The following THSD7B variants were observed in gnomAD, a reference collection of about 807,000 sequenced individuals.
The protein encoded by THSD7B is thrombospondin type 1 domain containing 7B, also known as thrombospondin type-1 domain-containing protein 7B.
A neutral mutation model predicts 213.6 loss-of-function variants in THSD7B; 138 were observed. The observed-to-expected ratio is 0.65, with a 90% CI of 0.56 to 0.74. The LOEUF (loss-of-function observed/expected upper bound fraction) is 0.74. THSD7B is among the 30% of genes least tolerant of loss of function. THSD7B has a pLI of 0.00. For synonymous variants in THSD7B, 742 were observed against 687.0 expected, an observed-to-expected ratio of 1.08 and a Z score of -1.25; for missense variants, 1,931 against 1,991.5, an observed-to-expected ratio of 0.97 and a Z score of 0.58.
intron 1 of THSD7B, among the ~76,000 whole-genome samples, chr2:136,773,747 C>A (rs1681551602): frequency 6.6e-6 from 1 of 152,070 alleles, no homozygotes; most frequent in Non-Finnish European, 1.5e-5. Flanking sequence ...TGCCTATTGA[C>A]AGAAGAGGGT....
chr2:137,303,594 C>A (rs1250594171), intron 12 of THSD7B, among the ~76,000 whole-genome samples: 1 of 147,910 alleles, frequency 6.8e-6, no homozygotes, highest in East Asian at 2.0e-4. Flanking sequence ...TTGCATGATT[C>A]TTTTTTTAAT....
chr2:136,789,964 TG>T (rs1681932662), intron 1 of THSD7B, among the ~76,000 whole-genome samples: 1 of 152,120 alleles, frequency 6.6e-6, no homozygotes, highest in African/African-American at 2.4e-5. Flanking sequence ...AGACAGATTT[TG>T]TCTTTTTTTA....
chr2:137,097,448 A>G (rs943317439), intron 4 of THSD7B, among the ~76,000 whole-genome samples: 7 of 152,144 alleles, frequency 4.6e-5, no homozygotes, highest in African/African-American at 1.4e-4. Context: ...AGGGATGTAA[A>G]TTGGCATTAA....
At chr2:137,061,289 GCATGTCAT>G (rs981403114) in intron 3 of THSD7B, among the ~76,000 whole-genome samples, 8 of 142,482 alleles carry the variant, frequency 5.6e-5, no homozygotes, top group Non-Finnish European at 1.2e-4. Flanking sequence ...AAGCATGTCA[GCATGTCAT>G]CTGCAAAAAA....
At chr2:137,168,505 G>A (rs1680177890) in intron 6 of THSD7B, among the ~76,000 whole-genome samples, 1 of 152,130 alleles carries the variant, frequency 6.6e-6, no homozygotes, top group Non-Finnish European at 1.5e-5. Context: ...GTTAGAGTCA[G>A]GACAAGGGCA....
intron 7 of THSD7B, among the ~76,000 whole-genome samples, chr2:137,176,838 A>G (rs1312412412): frequency 6.6e-6 from 1 of 151,664 alleles, no homozygotes; most frequent in East Asian, 1.9e-4. Flanking sequence ...TTGATTACCT[A>G]CTCTTTACCA....
chr2:137,332,026 G>T (rs536522959), intron 12 of THSD7B, among the ~76,000 whole-genome samples: 2 of 152,162 alleles, frequency 1.3e-5, no homozygotes, highest in South Asian at 2.1e-4. Flanking sequence ...AGCCGGCTCC[G>T]GCCTTGGCCA....
At chr2:136,862,590 G>A (rs1417106518) in intron 1 of THSD7B, among the ~76,000 whole-genome samples, 3 of 152,138 alleles carry the variant, frequency 2.0e-5, no homozygotes, top group Admixed American at 6.5e-5. Context: ...AATGATTATT[G>A]TACAACATAA....
chr2:137,123,736 C>A (rs1205385863), intron 5 of THSD7B, among the ~76,000 whole-genome samples: 2 of 152,132 alleles, frequency 1.3e-5, no homozygotes, highest in Non-Finnish European at 2.9e-5. Context: ...TAAACGACAA[C>A]TTTTCTTTCT....
intron 17 of THSD7B, among the ~76,000 whole-genome samples, chr2:137,613,716 G>T (rs1226323588): frequency 6.6e-6 from 1 of 152,086 alleles, no homozygotes; most frequent in Non-Finnish European, 1.5e-5. Flanking sequence ...TTACTCTAGT[G>T]AAGAGAAGAT....
At chr2:137,066,988 G>A (rs187672297) in intron 3 of THSD7B, among the ~76,000 whole-genome samples, 218 of 152,132 alleles carry the variant, frequency 1.4e-3, no homozygotes, top group Non-Finnish European at 2.0e-3. Context: ...CCTATCAAAG[G>A]TACTTTTTGG....
At chr2:137,393,094 G>T (rs1042717994) in intron 12 of THSD7B, among the ~76,000 whole-genome samples, 3 of 150,556 alleles carry the variant, frequency 2.0e-5, no homozygotes, top group Admixed American at 6.6e-5. Context: ...CTCTATTTAT[G>T]AAGCTTGATC....
chr2:136,854,177 T>G (rs1558826850), intron 1 of THSD7B, among the ~76,000 whole-genome samples: 1 of 151,912 alleles, frequency 6.6e-6, no homozygotes, highest in South Asian at 2.1e-4. Context: ...AGGAAACAGC[T>G]GGGGGGGAAT....
intron 3 of THSD7B, among the ~76,000 whole-genome samples, chr2:137,088,369 A>G (rs1687882722): frequency 6.6e-6 from 1 of 152,060 alleles, no homozygotes; most frequent in Non-Finnish European, 1.5e-5. Context: ...ACAAAAACAT[A>G]AAATGAGGAA....
In THSD7B at chr2:136,906,936, G is replaced by GTTTTTTTTTTTTTT. The variant is rs57887270; in HGVS notation, c.139+24635_139+24648dup. On this transcript the variant is annotated intron_variant, in intron 2 of 27. Transcript: ENST00000409968. ...ATTCATAGATTCCTTACATTTCAAG[G>GTTTTTTTTTTTTTT]TTTTTTTTTTTTTTTTTTTTTTTTT... Among the ~76,000 whole-genome samples, 4 of 55,096 alleles carry GTTTTTTTTTTTTTT rather than the reference G, an allele frequency of 7.3e-5. 1 individual carries two copies. Among genetic ancestry groups the GTTTTTTTTTTTTTT allele is most frequent in the African/African-American group, 3.5e-4 (4 of 11,268 alleles). 36.1% of individuals were successfully genotyped at this position (55,096 alleles called of 152,430 possible).
rs192803748 is a variant in THSD7B, at chr2:137,134,407, G to A, written c.1369+19114G>A. Among the ~76,000 whole-genome samples the A allele has an allele frequency of 8.1e-4, 123 of 152,226 alleles. 1 individual carries two copies. The highest frequency in any genetic ancestry group is 3.0e-3 in the African/African-American group (123 of 41,522). ...GTGGTCTCCTGTTGACAGAGCCTTC[G>A]AGAATTAAGATTCTTGGGGACGAAA... On this transcript the variant is annotated intron_variant, in intron 5 of 27. Coordinates refer to ENST00000409968, the MANE Select transcript of THSD7B (RefSeq NM_001316349.2).
chr2:137,677,694 C>A lies in THSD7B; in HGVS notation c.*1089C>A, dbSNP rs974678476. On this transcript the variant is annotated 3_prime_UTR_variant, in exon 28 of 28. Transcript: ENST00000409968. ...TTGTGGTATTGACTTGTATTTATAACAAATAAACTGCTCAAGAGACTGCAG... is the reference window on the plus strand; with the variant it reads ...TTGTGGTATTGACTTGTATTTATAAAAAATAAACTGCTCAAGAGACTGCAG... 1.4e-4 allele frequency: 22 copies of A among 152,540 alleles called. No homozygotes were observed. The highest frequency in any genetic ancestry group is 2.6e-4 in the Non-Finnish European group (18 of 68,008). 9.4% of individuals were successfully genotyped at this position (152,540 alleles called of 1,614,324 possible). A position where few individuals can be genotyped will look rare whatever the true frequency, so the allele number is the denominator to read the frequency against.
chr2:136,774,454 G>A (rs1457942986), intron 1 of THSD7B, among the ~76,000 whole-genome samples: 1 of 152,088 alleles, frequency 6.6e-6, no homozygotes, highest in Non-Finnish European at 1.5e-5. Context: ...CCTCTGGGCT[G>A]TGACATGCTT....
Position 137,056,795 on chromosome 2 carries a change from G to T in THSD7B, c.515G>T (p.Cys172Phe), listed in dbSNP as rs761234022. 1 of 1,613,940 alleles carries T rather than the reference G, an allele frequency of 6.2e-7. No homozygotes were observed. The highest frequency in any genetic ancestry group is 8.5e-7 in the Non-Finnish European group (1 of 1,179,892). The part of the protein sequence containing the change: ...FALQPPTEQA[C>F]LIPCPRDCVV... ...CTTCAGCCTCCTACAGAACAGGCTT[G>T]CCTCATTCCTTGTCCCCGGGATTGT... Residue 172 changes from cysteine to phenylalanine, a missense_variant, in exon 3 of 28, where the codon TGC becomes TTC. By Grantham distance (205) the Cys-to-Phe change is radical. Coordinates refer to ENST00000409968, the MANE Select transcript of THSD7B (RefSeq NM_001316349.2).
Sources: allele counts gnomAD v4.1 joint callset (sites outside exome capture counted in the v4.1 genomes callset), GRCh38; gene constraint gnomAD v4.1.1; transcripts MANE v1.5; gene names NCBI Gene and HGNC (gene_info 2026-07-23, HGNC 2026-07-21).